DAAM1: variants seen among roughly 807,000 people sequenced by gnomAD.
DAAM1 encodes the protein disheveled-associated activator of morphogenesis 1.
DAAM1 carries 52 observed loss-of-function variants against 130.0 expected under a neutral mutation model. The observed-to-expected ratio is 0.40, with a 90% CI of 0.32 to 0.50. DAAM1 has a LOEUF of 0.50. DAAM1 is among the 20% of genes least tolerant of loss of function. DAAM1 has a pLI of 0.61. For synonymous variants in DAAM1, 452 were observed against 444.5 expected (o/e 1.02, Z -0.21); for missense variants, 1,134 against 1,303.8 (o/e 0.87, Z 2.01).
At position 59,244,245 on chromosome 14, in the gene DAAM1, T is replaced by A. The variant is rs569490279; in HGVS notation, c.-37-19196T>A. On this transcript the variant is annotated intron_variant, in intron 1 of 24. Transcript: ENST00000360909. Reference sequence around the variant, plus strand: ...GCACTGTGAGTCCACTAAACCTATTTTTTTTTTTTTAATAAATTGCCCAGT... The same window carrying A: ...GCACTGTGAGTCCACTAAACCTATTATTTTTTTTTTAATAAATTGCCCAGT... 1.6e-3 allele frequency among the ~76,000 whole-genome samples: 237 copies of A among 151,766 alleles called. 1 individual carries two copies. Among genetic ancestry groups the A allele is most frequent in the Admixed American group, 2.4e-3 (36 of 15,236 alleles).
intron 1 of DAAM1, among the ~76,000 whole-genome samples, chr14:59,224,910 C>A (rs1888888642): frequency 6.6e-6 from 1 of 151,872 alleles, no homozygotes; most frequent in Admixed American, 6.6e-5. Flanking sequence ...AGGCACCATT[C>A]CATGAACCAG....
chr14:59,328,777 C>A (rs1275047144), intron 12 of DAAM1, among the ~76,000 whole-genome samples: 4 of 152,126 alleles, frequency 2.6e-5, no homozygotes, highest in African/African-American at 9.7e-5. Flanking sequence ...TGAGATGGTA[C>A]AAAAGAAAAT....
intron 2 of DAAM1, among the ~76,000 whole-genome samples, chr14:59,271,334 A>G (rs1882696742): frequency 6.6e-6 from 1 of 152,190 alleles, no homozygotes; most frequent in Admixed American, 6.5e-5. Context: ...GAAGGTAGTG[A>G]TGGTGGATAC....
At chr14:59,330,286 C>CA (rs3047875) in intron 12 of DAAM1, among the ~76,000 whole-genome samples, 7 of 151,822 alleles carry the variant, frequency 4.6e-5, no homozygotes, top group African/African-American at 9.7e-5. Flanking sequence ...CAGTCTCTTA[C>CA]GTAGTTAATA....
Position 59,340,139 on chromosome 14 carries a change from T to A in DAAM1, c.2034T>A (p.Ile678=), listed in dbSNP as rs1323049638. The part of the protein sequence containing the change: ...SKLKVKELSV[I]DGRRAQNCNI... ...TTAAAGTTAAAGAGCTTTCGGTGAT[T>A]GATGGTCGGAGAGCTCAGAATTGCA... Residue 678 remains isoleucine, a synonymous_variant, in exon 16 of 25, where the codon ATT becomes ATA. Transcript: ENST00000360909. 2 of 1,613,514 alleles carry A rather than the reference T, an allele frequency of 1.2e-6. No homozygotes were observed. Among genetic ancestry groups the A allele is most frequent in the Non-Finnish European group, 1.7e-6 (2 of 1,179,682 alleles).
At chr14:59,203,320 G>A (rs1354852129) in intron 1 of DAAM1, among the ~76,000 whole-genome samples, 5 of 151,938 alleles carry the variant, frequency 3.3e-5, no homozygotes. Context: ...TGATGAAGAT[G>A]TTCTAAAAGT....
At chr14:59,361,715 G>A (rs1886708867) in intron 22 of DAAM1, among the ~76,000 whole-genome samples, 1 of 152,192 alleles carries the variant, frequency 6.6e-6, no homozygotes, top group Non-Finnish European at 1.5e-5. Flanking sequence ...CGAGAGAGGG[G>A]GCAGGGATGA....
intron 4 of DAAM1, among the ~76,000 whole-genome samples, chr14:59,317,549 C>T (rs986815548): frequency 2.6e-5 from 4 of 152,176 alleles, no homozygotes; most frequent in African/African-American, 9.7e-5. Context: ...CTTTGGTTGT[C>T]TGCTTAGGGC....
chr14:59,302,385 G>A (rs1200210876), intron 3 of DAAM1, among the ~76,000 whole-genome samples: 1 of 152,200 alleles, frequency 6.6e-6, no homozygotes, highest in African/African-American at 2.4e-5. Context: ...CCCAATTAAT[G>A]GGGAGTCATG....
chr14:59,360,649 T>G (rs1391592200), intron 21 of DAAM1, 153 bp from the exon 22 acceptor site: 2 of 502,524 alleles, frequency 4.0e-6, no homozygotes, highest in Non-Finnish European at 6.6e-6. Context: ...TTTAAAATAC[T>G]GTTGTCTTTC....
intron 1 of DAAM1, among the ~76,000 whole-genome samples, chr14:59,254,961 G>A (rs941378559): frequency 1.3e-5 from 2 of 152,166 alleles, no homozygotes; most frequent in African/African-American, 4.8e-5. Flanking sequence ...GACTTCACCT[G>A]GGTGCCCTCC....
chr14:59,360,993 A>G lies in DAAM1; in HGVS notation c.2694+131A>G. 5 of 698,456 alleles carry G rather than the reference A, an allele frequency of 7.2e-6. No individual in the cohort carries two copies. The South Asian group carries it at 1.5e-4, about 21-fold the overall frequency. 43.3% of individuals were successfully genotyped at this position (698,456 alleles called of 1,614,324 possible). A position where few individuals can be genotyped will look rare whatever the true frequency, so the allele number is the denominator to read the frequency against. On this transcript the variant is annotated intron_variant, in intron 22 of 24. Coordinates refer to ENST00000360909, the MANE Select transcript of DAAM1 (RefSeq NM_001270520.2). Reference sequence around the variant, plus strand: ...AACATTTATTGATTAAAAAATAAGAACCACCACCACAAGAAGCAAAGGCAG... The same window carrying G: ...AACATTTATTGATTAAAAAATAAGAGCCACCACCACAAGAAGCAAAGGCAG...
intron 12 of DAAM1, among the ~76,000 whole-genome samples, chr14:59,327,485 G>A (rs184059954): frequency 5.1e-5 from 7 of 136,020 alleles, no homozygotes; most frequent in African/African-American, 8.3e-5. Flanking sequence ...TCGGCTCACT[G>A]CAAGTTCCAC....
At chr14:59,314,562 C>T (rs1884714397) in intron 3 of DAAM1, among the ~76,000 whole-genome samples, 1 of 151,820 alleles carries the variant, frequency 6.6e-6, no homozygotes, top group Admixed American at 6.6e-5. Flanking sequence ...TAGGGGCTGG[C>T]TCCAGGTCAC....
chr14:59,224,944 G>A (rs114307307), intron 1 of DAAM1, among the ~76,000 whole-genome samples: 11 of 151,226 alleles, frequency 7.3e-5, no homozygotes, highest in African/African-American at 2.7e-4. Context: ...ACCAGACATC[G>A]AGTATGCTGG....
Position 59,370,150 on chromosome 14 carries a change from T to TA in DAAM1, c.*1291_*1292insA, listed in dbSNP as rs1887105592. ...GAGGACTGTTACTTTTTTACTTTTT[T>TA]TTTTTTTTTTTTTTTTTTTTGGCTT... On this transcript the variant is annotated 3_prime_UTR_variant, in exon 25 of 25. Coordinates refer to ENST00000360909, the MANE Select transcript of DAAM1 (RefSeq NM_001270520.2). 2 of 16,962 alleles carry TA rather than the reference T, an allele frequency of 1.2e-4. No individual in the cohort carries two copies. Among genetic ancestry groups the TA allele is most frequent in the South Asian group, 2.1e-3 (2 of 964 alleles). 1.1% of individuals were successfully genotyped at this position (16,962 alleles called of 1,614,324 possible).
In DAAM1 at chr14:59,258,882, AT is replaced by A. The variant is rs530757052; in HGVS notation, c.-37-4555del. 7.9e-5 allele frequency among the ~76,000 whole-genome samples: 12 copies of A among 152,332 alleles called. No homozygotes were observed. The South Asian group carries it at 2.3e-3, about 29-fold the overall frequency. On this transcript the variant is annotated intron_variant, in intron 1 of 24. Transcript: ENST00000360909. ...ATACAAATTACCTGTCAAAGGCAAT[AT>A]TTTGGTACTTATTGAAAGGATTTCA... is the stretch of plus-strand genomic sequence containing the variant.
chr14:59,192,073 A>C (rs1252906), intron 1 of DAAM1, among the ~76,000 whole-genome samples: 19,406 of 151,758 alleles, frequency 0.13, 1,419 homozygotes, highest in Middle Eastern at 0.2. Flanking sequence ...TGGTGCTTAC[A>C]GGAGCTCCAT....
chr14:59,285,986 A>G (rs757540118), intron 2 of DAAM1, among the ~76,000 whole-genome samples: 1 of 152,132 alleles, frequency 6.6e-6, no homozygotes, highest in Non-Finnish European at 1.5e-5. Context: ...CTCATCTCAC[A>G]TGGCACATAC....
Sources: allele counts gnomAD v4.1 joint callset (sites outside exome capture counted in the v4.1 genomes callset), GRCh38; gene constraint gnomAD v4.1.1; transcripts MANE v1.5; gene names NCBI Gene and HGNC (gene_info 2026-07-23, HGNC 2026-07-21).